The following KANTR variants were observed in gnomAD, a reference collection of about 807,000 sequenced individuals.
The protein encoded by KANTR is KDM5C adjacent transcript.
intron 2 of KANTR, among the ~76,000 whole-genome samples, chrX:53,136,904 C>T (rs1294618308): frequency 2.0e-5 from 2 of 101,802 alleles, no homozygotes; most frequent in Non-Finnish European, 4.0e-5. Context: ...CCACCACACC[C>T]GGCTAATTTT....
intron 2 of KANTR, among the ~76,000 whole-genome samples, chrX:53,115,222 C>G (rs1933104520): frequency 9.1e-6 from 1 of 110,157 alleles, no homozygotes; most frequent in Admixed American, 9.5e-5. Flanking sequence ...TGGGCTGGAA[C>G]CTAAGGTGGG....
At chrX:53,146,251 A>G (rs781828393), downstream of KANTR, among the ~76,000 whole-genome samples, 157 of 111,718 alleles carry the variant, frequency 1.4e-3, no homozygotes, top group Non-Finnish European at 2.6e-3. Flanking sequence ...TTGAAAAAAG[A>G]TTAGACAAAT....
At chrX:53,127,768 A>G (rs1241415147), downstream of KANTR, among the ~76,000 whole-genome samples, 1 of 109,844 alleles carries the variant, frequency 9.1e-6, no homozygotes, top group African/African-American at 3.3e-5. Flanking sequence ...CAAAACCCCA[A>G]CTCTCATTGG....
At chrX:53,135,516 G>T (rs1282104533) in intron 2 of KANTR, among the ~76,000 whole-genome samples, 1 of 112,174 alleles carries the variant, frequency 8.9e-6, no homozygotes, top group African/African-American at 3.2e-5. Flanking sequence ...TGCAGTTTTA[G>T]TTGAGATCAT....
chrX:53,103,309 T>C (rs1183784836), intron 2 of KANTR, among the ~76,000 whole-genome samples: 1 of 111,230 alleles, frequency 9.0e-6, no homozygotes, highest in African/African-American at 3.3e-5. Context: ...TGTGACTGCA[T>C]TGTTTTCATA....
chrX:53,118,702 A>C (rs1008421458), intron 2 of KANTR, among the ~76,000 whole-genome samples: 2 of 109,407 alleles, frequency 1.8e-5, no homozygotes, highest in Non-Finnish European at 3.8e-5. Context: ...CGGTGGCTAC[A>C]GTGAGCTGAG....
intron 2 of KANTR, among the ~76,000 whole-genome samples, chrX:53,108,000 C>T (rs1392534142): frequency 9.3e-6 from 1 of 107,455 alleles, no homozygotes; most frequent in East Asian, 2.9e-4. Flanking sequence ...AGCGATTCTC[C>T]TGCCTCAGCC....
At chrX:53,129,953 G>T (rs887521353), downstream of KANTR, among the ~76,000 whole-genome samples, 1 of 109,030 alleles carries the variant, frequency 9.2e-6, no homozygotes, top group Non-Finnish European at 1.9e-5. Flanking sequence ...TTCAACCTTC[G>T]CCTCCTGGGT....
chrX:53,145,128 T>C (rs1933556452), downstream of KANTR, among the ~76,000 whole-genome samples: 1 of 111,446 alleles, frequency 9.0e-6, no homozygotes, highest in South Asian at 3.8e-4. Context: ...ACCAGGTTCA[T>C]CTCACTGGGG....
At chrX:53,134,424 G>T (rs1176450860) in intron 2 of KANTR, among the ~76,000 whole-genome samples, 1 of 111,159 alleles carries the variant, frequency 9.0e-6, no homozygotes, top group Non-Finnish European at 1.9e-5. Flanking sequence ...TCAAGGTAGT[G>T]GTTTCTTCTG....
At chrX:53,123,177 A>G (rs1236580161) in intron 2 of KANTR, among the ~76,000 whole-genome samples, 1 of 101,420 alleles carries the variant, frequency 9.9e-6, no homozygotes, top group African/African-American at 3.4e-5. Context: ...CCTGAGCAAG[A>G]CTTTTTTTTT....
intron 2 of KANTR, among the ~76,000 whole-genome samples, chrX:53,103,464 C>T (rs1479979073): frequency 1.8e-5 from 2 of 111,347 alleles, no homozygotes; most frequent in Non-Finnish European, 3.8e-5. Context: ...GCTCCTATGT[C>T]CCTCCTTTAA....
downstream of KANTR, among the ~76,000 whole-genome samples, chrX:53,130,702 C>T (rs1166449079): frequency 5.4e-5 from 6 of 111,551 alleles, no homozygotes; most frequent in African/African-American, 9.8e-5. Flanking sequence ...ATTACTTTTG[C>T]GACGAGGGGA....
At chrX:53,122,499 G>A (rs1556815639) in intron 2 of KANTR, among the ~76,000 whole-genome samples, 1 of 111,275 alleles carries the variant, frequency 9.0e-6, no homozygotes, top group Non-Finnish European at 1.9e-5. Context: ...ATGCATCTGT[G>A]TCTTGTTGTG....
downstream of KANTR, among the ~76,000 whole-genome samples, chrX:53,147,553 G>C (rs1250809292): frequency 3.1e-4 from 35 of 111,369 alleles, no homozygotes; most frequent in African/African-American, 1.1e-3. Context: ...ACATTAGACA[G>C]ATCAACGAGA....
At chrX:53,140,043 TGAG>T (rs1556818225) in intron 2 of KANTR, among the ~76,000 whole-genome samples, 2 of 111,655 alleles carry the variant, frequency 1.8e-5, no homozygotes, top group Non-Finnish European at 3.8e-5. Flanking sequence ...AAAATAACAG[TGAG>T]ATACCAGTTT....
downstream of KANTR, among the ~76,000 whole-genome samples, chrX:53,130,464 C>T (rs868956215): frequency 9.1e-6 from 1 of 110,446 alleles, no homozygotes; most frequent in African/African-American, 3.3e-5. Context: ...GTAGTTTCTT[C>T]GTAAAAATGG....
intron 2 of KANTR, among the ~76,000 whole-genome samples, chrX:53,141,080 G>A (rs953057310): frequency 3.5e-5 from 4 of 112,739 alleles, no homozygotes; most frequent in Non-Finnish European, 5.6e-5. Context: ...AGAATCACTC[G>A]AACCCAGGAG....
chrX:53,104,439 G>C (rs1041524784), intron 2 of KANTR, among the ~76,000 whole-genome samples: 17 of 109,055 alleles, frequency 1.6e-4, no homozygotes, highest in Non-Finnish European at 2.5e-4. Context: ...GTTGGCCAGG[G>C]TGGTCTCAAA....
Sources: allele counts gnomAD v4.1 joint callset (sites outside exome capture counted in the v4.1 genomes callset), GRCh38; gene constraint gnomAD v4.1.1; transcripts MANE v1.5; gene names NCBI Gene and HGNC (gene_info 2026-07-23, HGNC 2026-07-21).